Variants in MATN2 observed in about 807,000 individuals in gnomAD.
MATN2 encodes the protein matrilin 2.
In MATN2, 69 loss-of-function variants were observed where a neutral mutation model predicts 103.2. That is an observed-to-expected ratio of 0.67 (90% CI 0.55 to 0.82). The LOEUF (loss-of-function observed/expected upper bound fraction) is 0.82. MATN2 is among the 40% of genes least tolerant of loss of function. The probability of loss-of-function intolerance (pLI) is 0.00; values close to 1 mark genes in which losing one functional copy is unlikely to be tolerated. For missense variants in MATN2, 1,023 were observed against 1,211.5 expected (o/e 0.84, Z 2.31); for synonymous variants, 429 against 450.2 (o/e 0.95, Z 0.60).
intron 10 of MATN2, among the ~76,000 whole-genome samples, chr8:98,015,985 G>C (rs1251113897): frequency 6.6e-6 from 1 of 152,178 alleles, no homozygotes; most frequent in African/African-American, 2.4e-5. Context: ...ATAATAGCCA[G>C]TTAGGTTAAT....
intron 6 of MATN2, among the ~76,000 whole-genome samples, chr8:97,992,270 TAA>T (rs1812417352): frequency 6.6e-6 from 1 of 152,160 alleles, no homozygotes; most frequent in African/African-American, 2.4e-5. Context: ...TGAATCTGGG[TAA>T]AGAGTATTTA....
At chr8:97,908,765 G>T (rs1352957197) in intron 2 of MATN2, among the ~76,000 whole-genome samples, 1 of 152,034 alleles carries the variant, frequency 6.6e-6, no homozygotes, top group Non-Finnish European at 1.5e-5. Context: ...CCAAGTAGCT[G>T]GGACTATAGG....
rs118158231 is a variant in MATN2 at position 97,977,995 on chromosome 8, T to C, written c.959-891T>C. Among the ~76,000 whole-genome samples the C allele has an allele frequency of 1.9e-4, 29 of 152,316 alleles. No individual in the cohort carries two copies. The East Asian group carries it at 5.4e-3, about 28-fold the overall frequency. On this transcript the variant is annotated intron_variant, in intron 5 of 18. Transcript: ENST00000254898. ...ACTGACCCTACTCCTATTCATTGTT[T>C]TGCTTTTCTCCAGAATTTTCTTTAT...
chr8:97,891,313 C>T (rs952519045), intron 2 of MATN2, among the ~76,000 whole-genome samples: 6 of 152,156 alleles, frequency 3.9e-5, no homozygotes, highest in African/African-American at 7.2e-5. Flanking sequence ...CTTCCTTTTA[C>T]GCTAAAAATT....
At position 97,925,242 on chromosome 8, in the gene MATN2, C is replaced by T. The variant is rs530430676; in HGVS notation, c.143-5711C>T. Reference sequence around the variant, plus strand: ...CAGTAGTGTATGAATGGTTGAAGTACGGCCGCTGGGATTGGCCAAGACTCA... The same window carrying T: ...CAGTAGTGTATGAATGGTTGAAGTATGGCCGCTGGGATTGGCCAAGACTCA... On this transcript the variant is annotated intron_variant, in intron 2 of 18. Coordinates refer to ENST00000254898, the MANE Select transcript of MATN2 (RefSeq NM_002380.5). Among the ~76,000 whole-genome samples the T allele has an allele frequency of 5.9e-5, 9 of 152,302 alleles. No homozygotes were observed. The East Asian group carries it at 7.7e-4, about 13-fold the overall frequency.
intron 5 of MATN2, 39 bp from the exon 6 acceptor site, chr8:97,978,847 T>C (rs768560128): frequency 1.2e-6 from 2 of 1,611,080 alleles, no homozygotes; most frequent in South Asian, 2.2e-5. Flanking sequence ...TTTTCCTCTG[T>C]TTGCATTTCT....
At chr8:97,895,914 A>G (rs1156939541) in intron 2 of MATN2, among the ~76,000 whole-genome samples, 1 of 152,226 alleles carries the variant, frequency 6.6e-6, no homozygotes, top group Non-Finnish European at 1.5e-5. Flanking sequence ...CAGCCCCTTT[A>G]TGGAAAGGAT....
chr8:97,938,567 A>G (rs1213653329), intron 3 of MATN2, among the ~76,000 whole-genome samples: 1 of 152,230 alleles, frequency 6.6e-6, no homozygotes, highest in African/African-American at 2.4e-5. Flanking sequence ...ATGCTTACCA[A>G]TGGGGAAATG....
intron 5 of MATN2, among the ~76,000 whole-genome samples, chr8:97,978,592 T>C (rs1362693992): frequency 1.3e-5 from 2 of 152,262 alleles, no homozygotes; most frequent in Non-Finnish European, 2.9e-5. Context: ...GCCAGTTTAC[T>C]AGGTGTAAGT....
At chr8:97,946,019 A>G (rs951376435) in intron 4 of MATN2, among the ~76,000 whole-genome samples, 33 of 152,178 alleles carry the variant, frequency 2.2e-4, no homozygotes, top group African/African-American at 7.5e-4. Context: ...TATTTCTGCT[A>G]TCTGAAGCCA....
At chr8:97,894,436 T>C (rs1386054382) in intron 2 of MATN2, among the ~76,000 whole-genome samples, 1 of 147,360 alleles carries the variant, frequency 6.8e-6, no homozygotes, top group African/African-American at 2.5e-5. Flanking sequence ...TCCTCCCAAG[T>C]CAGCTTCCCA....
At chr8:97,972,777 G>T (rs957343014) in intron 5 of MATN2, among the ~76,000 whole-genome samples, 7 of 152,208 alleles carry the variant, frequency 4.6e-5, no homozygotes, top group African/African-American at 1.7e-4. Context: ...TTCTGACTCT[G>T]GGATCTTAGC....
At chr8:97,878,106 AAAG>A (rs1818135363) in intron 1 of MATN2, among the ~76,000 whole-genome samples, 1 of 152,258 alleles carries the variant, frequency 6.6e-6, no homozygotes, top group African/African-American at 2.4e-5. Context: ...TAAAATGAAA[AAAG>A]CAGTTTTTTC....
intron 2 of MATN2, among the ~76,000 whole-genome samples, chr8:97,902,983 T>C (rs1355449727): frequency 6.6e-6 from 1 of 152,130 alleles, no homozygotes; most frequent in Non-Finnish European, 1.5e-5. Context: ...GGAACGTCAG[T>C]ACCCAGGGAC....
chr8:97,980,807 G>A (rs1433521482), intron 6 of MATN2, among the ~76,000 whole-genome samples: 5 of 151,880 alleles, frequency 3.3e-5, no homozygotes, highest in Admixed American at 3.3e-4. Context: ...GACCTCAAGT[G>A]ATCCACCCAC....
chr8:98,033,060 T>G lies in MATN2; in HGVS notation c.2600T>G (p.Ile867Arg), dbSNP rs561257217. The part of the protein sequence containing the change: ...QQPTESEPVT[I>R]NIQDLLSCSN... ...TTTACAGAATCTGAGCCAGTCACCA[T>G]AAATATCCAAGACCTACTTTCCTGT... The change falls in exon 17 of 19, where the codon ATA becomes AGA. Residue 867 changes from isoleucine to arginine, a missense_variant. Ile to Arg is a moderately conservative substitution (Grantham distance 97, BLOSUM62 -3). Coordinates refer to ENST00000254898, the MANE Select transcript of MATN2 (RefSeq NM_002380.5). The G allele has an allele frequency of 1.9e-6, 3 of 1,609,160 alleles. No homozygotes were observed. The highest frequency in any genetic ancestry group is 2.5e-6 in the Non-Finnish European group (3 of 1,178,594).
rs978487154 is a variant in MATN2 at position 98,003,657 on chromosome 8, T to C, written c.1205-4T>C. On this transcript the variant is annotated splice_region_variant and splice_polypyrimidine_tract_variant and intron_variant, in intron 7 of 18. Coordinates refer to ENST00000254898, the MANE Select transcript of MATN2 (RefSeq NM_002380.5). ...GAAGGAAGGTCTGCCCTTCTTCCCC[T>C]CAGGGATCAACTACTGTGCACTGAA... The C allele has an allele frequency of 6.2e-7, 1 of 1,613,586 alleles. No individual in the cohort carries two copies. Among genetic ancestry groups the C allele is most frequent in the East Asian group, 2.2e-5 (1 of 44,842 alleles).
intron 5 of MATN2, among the ~76,000 whole-genome samples, chr8:97,962,616 CTTCTTAATCT>C (rs1258600143): frequency 6.6e-6 from 1 of 152,198 alleles, no homozygotes; most frequent in African/African-American, 2.4e-5. Flanking sequence ...GGTTGTTTTT[CTTCTTAATCT>C]GCTGGTGGTG....
At chr8:98,015,454 G>A (rs1376906866) in intron 10 of MATN2, among the ~76,000 whole-genome samples, 1 of 150,978 alleles carries the variant, frequency 6.6e-6, no homozygotes, top group Non-Finnish European at 1.5e-5. Context: ...GCTCCCGGAT[G>A]CTCCAGTCAC....
Sources: gnomAD v4.1 joint callset for allele counts (sites outside exome capture counted in the v4.1 genomes callset) on GRCh38, gnomAD v4.1.1 for gene constraint, MANE v1.5 for transcripts, NCBI Gene and HGNC (gene_info 2026-07-23, HGNC 2026-07-21) for gene names.